The following KCNQ1OT1 variants were observed in gnomAD, a reference collection of about 807,000 sequenced individuals.
The protein encoded by KCNQ1OT1 is KCNQ1 antisense RNA 2 (non-protein coding).
At chr11:2,634,611 G>C (rs1294347671) in exon 1 of KCNQ1OT1, 3 of 152,072 alleles carry the variant, frequency 2.0e-5, no homozygotes, top group African/African-American at 7.2e-5. Flanking sequence ...CCAAGTCTTT[G>C]CTATCGTGAA....
rs1388406076 is a variant in KCNQ1OT1 at position 2,665,353 on chromosome 11, G to C, written n.34642C>G. The C allele has an allele frequency of 1.0e-5, 4 of 398,082 alleles. No homozygotes were observed. In the East Asian group the frequency reaches 1.1e-4, roughly 11 times the overall value. The allele number at this position is 398,082 out of a possible 1,614,324, so 24.7% of individuals were successfully genotyped here. A position where few individuals can be genotyped will look rare whatever the true frequency, so the allele number is the denominator to read the frequency against. On this transcript the variant is annotated non_coding_transcript_exon_variant, in exon 1 of 1. Coordinates refer to ENST00000597346, the Ensembl canonical transcript of KCNQ1OT1. ...GACTGTAGGCCTGCATGGGCAGTTG[G>C]GGAGCACCCCCATGACAAGAGGAGC...
chr11:2,641,394 C>A (rs926075900), exon 1 of KCNQ1OT1: 7 of 383,398 alleles, frequency 1.8e-5, no homozygotes, highest in African/African-American at 8.4e-5. Context: ...TGATGTTGGG[C>A]TTTTTTTTTT....
chr11:2,628,919 G>T, exon 1 of KCNQ1OT1: 1 of 398,216 alleles, frequency 2.5e-6, no homozygotes. Flanking sequence ...AAGATTAGTT[G>T]ACCATAAATG....
At position 2,661,743 on chromosome 11, in the gene KCNQ1OT1, G is replaced by A. The variant is rs1019149964; in HGVS notation, n.38252C>T. On this transcript the variant is annotated non_coding_transcript_exon_variant, in exon 1 of 1. Coordinates refer to ENST00000597346, the Ensembl canonical transcript of KCNQ1OT1. This position sits in a 1 kb window ranked among gnomAD's most constrained non-coding sequence, Gnocchi z 5.9. ...TTACCACTCCGAAGATGATTCACTGGCCTTTATTCTCCTCAGACACTGAGG... is the reference window on the plus strand; with the variant it reads ...TTACCACTCCGAAGATGATTCACTGACCTTTATTCTCCTCAGACACTGAGG... The A allele has an allele frequency of 1.4e-5, 9 of 623,304 alleles. No homozygotes were observed. Among genetic ancestry groups the A allele is most frequent in the Admixed American group, 7.6e-5 (3 of 39,296 alleles). The allele number at this position is 623,304 out of a possible 1,614,324, so 38.6% of individuals were successfully genotyped here.
chr11:2,640,470 G>A (rs571818938), exon 1 of KCNQ1OT1: 1 of 398,332 alleles, frequency 2.5e-6, no homozygotes, highest in Non-Finnish European at 4.4e-6. Flanking sequence ...ATTTTTTGTA[G>A]AGACAGGGTC....
chr11:2,697,977 C>G (rs535975689), exon 1 of KCNQ1OT1: 31 of 398,606 alleles, frequency 7.8e-5, no homozygotes, highest in Middle Eastern at 6.3e-4. Context: ...CAACTCAATC[C>G]TTAAATTTTT....
rs965627843 is a variant in KCNQ1OT1 at position 2,683,534 on chromosome 11, A to G, written n.16461T>C. The G allele has an allele frequency of 3.0e-5, 12 of 398,512 alleles. No individual in the cohort carries two copies. The highest frequency in any genetic ancestry group is 4.9e-5 in the Non-Finnish European group (11 of 226,074). 24.7% of individuals were successfully genotyped at this position (398,512 alleles called of 1,614,324 possible). A position where few individuals can be genotyped will look rare whatever the true frequency, so the allele number is the denominator to read the frequency against. ...AGCTTAGTTCAGAGTAAACATTTCT[A>G]AAAAAGAGGTAGAAGCCCCTACCTA... On this transcript the variant is annotated non_coding_transcript_exon_variant, in exon 1 of 1. Coordinates refer to ENST00000597346, the Ensembl canonical transcript of KCNQ1OT1. This position sits in a 1 kb window ranked among gnomAD's most constrained non-coding sequence, Gnocchi z 4.7.
chr11:2,672,719 T>C, exon 1 of KCNQ1OT1: 1 of 398,810 alleles, frequency 2.5e-6, no homozygotes, highest in Non-Finnish European at 4.4e-6. Context: ...AGATGTCAGG[T>C]TCCAGACTCC....
chr11:2,624,483 C>T lies in KCNQ1OT1; in HGVS notation n.75512G>A, dbSNP rs1319671589. On this transcript the variant is annotated non_coding_transcript_exon_variant, in exon 1 of 1. Coordinates refer to ENST00000597346, the Ensembl canonical transcript of KCNQ1OT1. The surrounding 1 kb of genome is among the most constrained non-coding windows in gnomAD (Gnocchi z 4.9). ...TGCCTTTGGTGTCATATCTAAAAAG[C>T]CATCACCAAACTAAAGATCATCTAG... The T allele has an allele frequency of 2.5e-6, 1 of 398,294 alleles. No homozygotes were observed. Among genetic ancestry groups the T allele is most frequent in the Non-Finnish European group, 4.4e-6 (1 of 226,012 alleles). 24.7% of individuals were successfully genotyped at this position (398,294 alleles called of 1,614,324 possible).
rs1850133725 is a variant in KCNQ1OT1 at position 2,669,001 on chromosome 11, C to A, written n.30994G>T. 2 of 398,550 alleles carry A rather than the reference C, an allele frequency of 5.0e-6. No homozygotes were observed. The highest frequency in any genetic ancestry group is 2.1e-5 in the African/African-American group (1 of 48,630). The allele number at this position is 398,550 out of a possible 1,614,324, so 24.7% of individuals were successfully genotyped here. On this transcript the variant is annotated non_coding_transcript_exon_variant, in exon 1 of 1. Transcript: ENST00000597346. The surrounding 1 kb of genome is among the most constrained non-coding windows in gnomAD (Gnocchi z 5.6). ...TGTGAGGCCGAGGTCAAGGTCCACTCTTCCCCTACTTGGATATCCAGTCTA... is the reference window on the plus strand; with the variant it reads ...TGTGAGGCCGAGGTCAAGGTCCACTATTCCCCTACTTGGATATCCAGTCTA...
chr11:2,643,505 A>G (rs896690873), exon 1 of KCNQ1OT1: 25 of 398,286 alleles, frequency 6.3e-5, no homozygotes, highest in Non-Finnish European at 1.0e-4. Flanking sequence ...TTTGCATGTA[A>G]TATCTTTTCC....
In KCNQ1OT1 at chr11:2,674,836, A is replaced by T. The variant is rs1467389014; in HGVS notation, n.25159T>A. On this transcript the variant is annotated non_coding_transcript_exon_variant, in exon 1 of 1. Coordinates refer to ENST00000597346, the Ensembl canonical transcript of KCNQ1OT1. This position sits in a 1 kb window ranked among gnomAD's most constrained non-coding sequence, Gnocchi z 5.9. ...GTCACCCTAATAGCTGTTTTTTAAA[A>T]AAAAAAAAAAAAAAAAAAAAAAAAG... 7.9e-5 allele frequency: 26 copies of T among 329,956 alleles called. No homozygotes were observed. The highest frequency in any genetic ancestry group is 4.0e-4 in the African/African-American group (18 of 45,500). 20.4% of individuals were successfully genotyped at this position (329,956 alleles called of 1,614,324 possible). A position where few individuals can be genotyped will look rare whatever the true frequency, so the allele number is the denominator to read the frequency against.
Position 2,663,207 on chromosome 11 carries a change from G to A in KCNQ1OT1, n.36788C>T, listed in dbSNP as rs1043894729. On this transcript the variant is annotated non_coding_transcript_exon_variant, in exon 1 of 1. Coordinates refer to ENST00000597346, the Ensembl canonical transcript of KCNQ1OT1. The surrounding 1 kb of genome is among the most constrained non-coding windows in gnomAD (Gnocchi z 5.2). ...GGCAGTACCTCATGGTGGGTAGGGTGTGAAGAGGCTCCAAGGGAGCCAGCA... is the reference window on the plus strand; with the variant it reads ...GGCAGTACCTCATGGTGGGTAGGGTATGAAGAGGCTCCAAGGGAGCCAGCA... 1.0e-5 allele frequency: 4 copies of A among 398,680 alleles called. No homozygotes were observed. Among genetic ancestry groups the A allele is most frequent in the African/African-American group, 2.1e-5 (1 of 48,642 alleles). The allele number at this position is 398,680 out of a possible 1,614,324, so 24.7% of individuals were successfully genotyped here.
rs1468132302 is a variant in KCNQ1OT1 at position 2,657,366 on chromosome 11, A to G, written n.42629T>C. 5.0e-6 allele frequency: 2 copies of G among 398,442 alleles called. No individual in the cohort carries two copies. The highest frequency in any genetic ancestry group is 2.1e-5 in the African/African-American group (1 of 48,614). 24.7% of individuals were successfully genotyped at this position (398,442 alleles called of 1,614,324 possible). A position where few individuals can be genotyped will look rare whatever the true frequency, so the allele number is the denominator to read the frequency against. On this transcript the variant is annotated non_coding_transcript_exon_variant, in exon 1 of 1. Coordinates refer to ENST00000597346, the Ensembl canonical transcript of KCNQ1OT1. This position sits in a 1 kb window ranked among gnomAD's most constrained non-coding sequence, Gnocchi z 4.8. ...AATGAAGGCATATTTCTCCATTTAT[A>G]TCTTCTTCATTGTCTCTTACTAAAG... is the stretch of plus-strand genomic sequence containing the variant.
chr11:2,617,661 C>T lies in KCNQ1OT1; in HGVS notation n.82334G>A, dbSNP rs1158185129. 7 of 398,260 alleles carry T rather than the reference C, an allele frequency of 1.8e-5. No homozygotes were observed. Among genetic ancestry groups the T allele is most frequent in the Non-Finnish European group, 3.1e-5 (7 of 225,962 alleles). 24.7% of individuals were successfully genotyped at this position (398,260 alleles called of 1,614,324 possible). On this transcript the variant is annotated non_coding_transcript_exon_variant, in exon 1 of 1. Coordinates refer to ENST00000597346, the Ensembl canonical transcript of KCNQ1OT1. This position sits in a 1 kb window ranked among gnomAD's most constrained non-coding sequence, Gnocchi z 4.6. ...ATTCTGTTTTTCATTATGACTGCAC[C>T]AATCTACAGTCCCACCAACACTGTA...
exon 1 of KCNQ1OT1, chr11:2,615,513 T>C: frequency 2.5e-6 from 1 of 398,030 alleles, no homozygotes; most frequent in Non-Finnish European, 4.4e-6. Context: ...GTTTTTTTTC[T>C]CATTAAGTAT....
At chr11:2,644,694 C>G (rs1181025740) in exon 1 of KCNQ1OT1, 1 of 398,550 alleles carries the variant, frequency 2.5e-6, no homozygotes, top group East Asian at 3.6e-5. Context: ...TTTGATCTGT[C>G]TTTCCTAAGA....
exon 1 of KCNQ1OT1, chr11:2,665,762 C>G: frequency 2.5e-6 from 1 of 398,498 alleles, no homozygotes; most frequent in East Asian, 3.6e-5. Context: ...TGGAGAAGCC[C>G]TAGGATTGCT....
At position 2,663,646 on chromosome 11, in the gene KCNQ1OT1, G is replaced by T; in HGVS notation, n.36349C>A. 2.5e-6 allele frequency: 1 copy of T among 398,680 alleles called. No homozygotes were observed. Among genetic ancestry groups the T allele is most frequent in the South Asian group, 1.3e-4 (1 of 7,834 alleles). 24.7% of individuals were successfully genotyped at this position (398,680 alleles called of 1,614,324 possible). ...ATCCAGACATGCAAAAAGTCCTACT[G>T]GGAGGAGAGGGCCATCACCCACAGT... On this transcript the variant is annotated non_coding_transcript_exon_variant, in exon 1 of 1. Coordinates refer to ENST00000597346, the Ensembl canonical transcript of KCNQ1OT1. The surrounding 1 kb of genome is among the most constrained non-coding windows in gnomAD (Gnocchi z 5.2).
Sources: allele counts gnomAD v4.1 joint callset, GRCh38; gene constraint gnomAD v4.1.1; non-coding constraint Gnocchi (gnomAD v3.1); transcripts MANE v1.5; gene names NCBI Gene and HGNC (gene_info 2026-07-23, HGNC 2026-07-21).